Variants in VPS8 observed in about 807,000 individuals in gnomAD.
The protein encoded by VPS8 is vacuolar protein sorting-associated protein 8 homolog.
Under a neutral mutation model 216.4 loss-of-function variants are expected in VPS8, and 129 were observed. The ratio of observed to expected loss-of-function variants is 0.60; its 90% CI spans 0.52 to 0.69. The LOEUF (loss-of-function observed/expected upper bound fraction) is 0.69. Ranked by LOEUF, VPS8 falls within the 30% of genes least tolerant of loss-of-function variation. The pLI is 0.00. For missense variants in VPS8, 1,531 were observed against 1,683.5 expected (o/e 0.91, Z 1.59); for synonymous variants, 571 against 565.4 (o/e 1.01, Z -0.14).
intron 40 of VPS8, among the ~76,000 whole-genome samples, chr3:184,978,263 T>G (rs1186503789): frequency 1.3e-5 from 2 of 152,096 alleles, no homozygotes; most frequent in Non-Finnish European, 2.9e-5. Flanking sequence ...TTTTTTATAT[T>G]TCTGGGGGTC....
intron 22 of VPS8, among the ~76,000 whole-genome samples, chr3:184,888,505 C>T (rs1300387471): frequency 6.6e-6 from 1 of 152,180 alleles, no homozygotes; most frequent in Non-Finnish European, 1.5e-5. Context: ...AATTAGTTTT[C>T]TCTTTACCTC....
chr3:185,028,793 C>G (rs943546825), intron 46 of VPS8, among the ~76,000 whole-genome samples: 9 of 152,194 alleles, frequency 5.9e-5, no homozygotes, highest in Non-Finnish European at 2.9e-5. Flanking sequence ...GCTCATCTCC[C>G]ATTAGACGAT....
intron 1 of VPS8, 158 bp downstream of exon 1, chr3:184,812,383 G>T (rs1456942724): frequency 1.3e-5 from 2 of 152,216 alleles, no homozygotes; most frequent in South Asian, 2.1e-4. Context: ...AGCCCCTGAC[G>T]GGCTAACCGG....
At chr3:184,883,068 TTA>T (rs1730556511) in intron 21 of VPS8, among the ~76,000 whole-genome samples, 1 of 152,176 alleles carries the variant, frequency 6.6e-6, no homozygotes, top group South Asian at 2.1e-4. Context: ...CAATTCTGTA[TTA>T]AATAGCAATG....
intron 46 of VPS8, among the ~76,000 whole-genome samples, chr3:185,029,650 C>T (rs1422095178): frequency 1.3e-5 from 2 of 151,854 alleles, no homozygotes; most frequent in Non-Finnish European, 2.9e-5. Flanking sequence ...CTGCAACCTC[C>T]GCCTCCCAGG....
intron 25 of VPS8, among the ~76,000 whole-genome samples, chr3:184,903,474 C>T (rs961185148): frequency 1.4e-4 from 21 of 152,110 alleles, no homozygotes; most frequent in African/African-American, 4.3e-4. Context: ...ATTTTAGAGA[C>T]GGAGTCTCAC....
chr3:184,843,415 A>G (rs1168049251), intron 8 of VPS8, among the ~76,000 whole-genome samples, 170 bp downstream of exon 8: 1 of 152,158 alleles, frequency 6.6e-6, no homozygotes, highest in Non-Finnish European at 1.5e-5. Context: ...GTAAATATAT[A>G]TATACCTTCA....
chr3:185,045,122 T>G (rs1433998685), intron 46 of VPS8, among the ~76,000 whole-genome samples: 2 of 46,940 alleles, frequency 4.3e-5, no homozygotes, highest in African/African-American at 9.4e-5. Flanking sequence ...AAGGTGGAAA[T>G]ATGCTTCTCA....
At chr3:184,956,582 C>A (rs1745642353) in intron 36 of VPS8, among the ~76,000 whole-genome samples, 1 of 152,184 alleles carries the variant, frequency 6.6e-6, no homozygotes, top group Non-Finnish European at 1.5e-5. Flanking sequence ...GAACTAAGTT[C>A]TTTTGAAGCT....
chr3:184,913,680 G>GA (rs2109075306), intron 26 of VPS8, 119 bp downstream of exon 26: 1 of 756,402 alleles, frequency 1.3e-6, no homozygotes, highest in South Asian at 2.4e-5. Context: ...ATTCTTTTAT[G>GA]TAGAGCAGTG....
rs1380223602 is a variant in VPS8, at chr3:184,855,790, G to A, written c.1115G>A (p.Cys372Tyr). The A allele has an allele frequency of 1.2e-6, 2 of 1,613,380 alleles. No homozygotes were observed. Among genetic ancestry groups the A allele is most frequent in the African/African-American group, 1.3e-5 (1 of 74,848 alleles). ...QNYVNPMLAF[C>Y]RGDVVHFLLV... ...TACGTGAATCCCATGCTTGCCTTCT[G>A]CAGAGGAGATGTTGTTCATTTTCTA... Residue 372 changes from cysteine (C) to tyrosine (Y), a missense_variant, in exon 14 of 48, where the codon TGC becomes TAC. Physicochemically the swap from Cys to Tyr is radical, Grantham distance 194 (BLOSUM62 -2). Transcript: ENST00000625842.
At chr3:184,982,327 C>CA in intron 40 of VPS8, 1 of 478,376 alleles carries the variant, frequency 2.1e-6, no homozygotes, top group Middle Eastern at 5.6e-4. Flanking sequence ...GGCCTCCTTA[C>CA]GTTTCCCAGG....
intron 42 of VPS8, among the ~76,000 whole-genome samples, chr3:184,986,932 T>C (rs1222817851): frequency 2.6e-5 from 4 of 152,184 alleles, no homozygotes; most frequent in Non-Finnish European, 4.4e-5. Flanking sequence ...TGATATATTA[T>C]AATTATTAAC....
chr3:184,832,695 G>A lies in VPS8; in HGVS notation c.229G>A (p.Asp77Asn). Residue 77 changes from aspartate to asparagine, a missense_variant, in exon 4 of 48, where the codon GAT becomes AAT. By Grantham distance (23) the Asp-to-Asn change is conservative. This residue lies in a region of VPS8 where 199 missense variants were observed against 182.2 expected (regional missense o/e 1.09). Coordinates refer to ENST00000625842, the MANE Select transcript of VPS8 (RefSeq NM_001009921.3). Reference sequence around the variant, plus strand: ...TTATCTTCTTCCAATTTAGACTGATGATGAAGATGAGTCTTTTATTCTTGA... The same window carrying A: ...TTATCTTCTTCCAATTTAGACTGATAATGAAGATGAGTCTTTTATTCTTGA... ...TLESILNETDDEDESFILEDP... is the reference protein window; with the variant it reads ...TLESILNETDNEDESFILEDP... 1 of 1,598,304 alleles carries A rather than the reference G, an allele frequency of 6.3e-7. No homozygotes were observed. The highest frequency in any genetic ancestry group is 8.5e-7 in the Non-Finnish European group (1 of 1,171,170).
At chr3:185,017,133 C>T (rs1167423218) in intron 45 of VPS8, among the ~76,000 whole-genome samples, 1 of 151,996 alleles carries the variant, frequency 6.6e-6, no homozygotes, top group Non-Finnish European at 1.5e-5. Flanking sequence ...TCCCTATAAA[C>T]TTATAGGTAC....
intron 23 of VPS8, among the ~76,000 whole-genome samples, chr3:184,897,544 G>A (rs749832916): frequency 1.9e-4 from 29 of 152,116 alleles, no homozygotes; most frequent in Non-Finnish European, 3.7e-4. Flanking sequence ...TATATGTATG[G>A]GTTAGAGGGG....
intron 46 of VPS8, among the ~76,000 whole-genome samples, chr3:185,039,871 A>G (rs1306446651): frequency 1.3e-5 from 2 of 152,090 alleles, no homozygotes; most frequent in Non-Finnish European, 2.9e-5. Context: ...GCCAATTTCA[A>G]CCTGTTTTTT....
intron 25 of VPS8, among the ~76,000 whole-genome samples, chr3:184,904,402 C>T (rs1038053900): frequency 6.6e-6 from 1 of 152,176 alleles, no homozygotes; most frequent in Non-Finnish European, 1.5e-5. Flanking sequence ...GTGTTTCTAA[C>T]ATGAAAGACT....
chr3:184,973,985 T>A (rs1164033527), intron 40 of VPS8, among the ~76,000 whole-genome samples: 1 of 152,208 alleles, frequency 6.6e-6, no homozygotes, highest in African/African-American at 2.4e-5. Context: ...TTGGCTATTG[T>A]GAATAAGTGC....
Sources: allele counts gnomAD v4.1 joint callset (sites outside exome capture counted in the v4.1 genomes callset), GRCh38; gene constraint gnomAD v4.1.1; regional missense constraint gnomAD v4.1.1; transcripts MANE v1.5; gene names NCBI Gene and HGNC (gene_info 2026-07-23, HGNC 2026-07-21).